Variants in PTBP2 observed in about 807,000 individuals in gnomAD.
The protein encoded by PTBP2 is polypyrimidine tract-binding protein 2.
A neutral mutation model predicts 61.4 loss-of-function variants in PTBP2; 13 were observed. That is an observed-to-expected ratio of 0.21 (90% CI 0.14 to 0.34). The LOEUF (loss-of-function observed/expected upper bound fraction) is 0.34, where lower values mean the gene tolerates loss of function less well. Ranked by LOEUF, PTBP2 falls within the 10% of genes least tolerant of loss-of-function variation. The pLI is 1.00. For missense variants in PTBP2, 405 were observed against 642.6 expected (o/e 0.63, Z 4.00); for synonymous variants, 215 against 218.5 (o/e 0.98, Z 0.14).
In PTBP2 at chr1:96,813,493, A is replaced by AT. The variant is rs943303723; in HGVS notation, c.*96dup. ...TCAGAAAAGTGGGGACCAGAGTTTGATTTTTTTTGTTTTTGTTTTTTTGGG... is the reference window on the plus strand; with the variant it reads ...TCAGAAAAGTGGGGACCAGAGTTTGATTTTTTTTTGTTTTTGTTTTTTTGGG... On this transcript the variant is annotated 3_prime_UTR_variant, in exon 14 of 14. Coordinates refer to ENST00000674951, the MANE Select transcript of PTBP2 (RefSeq NM_021190.4). The AT allele has an allele frequency of 5.3e-5, 67 of 1,262,084 alleles. No homozygotes were observed. Among genetic ancestry groups the AT allele is most frequent in the East Asian group, 3.0e-4 (11 of 36,368 alleles). The allele number at this position is 1,262,084 out of a possible 1,614,324, so 78.2% of individuals were successfully genotyped here. A position where few individuals can be genotyped will look rare whatever the true frequency, so the allele number is the denominator to read the frequency against.
intron 5 of PTBP2, among the ~76,000 whole-genome samples, chr1:96,773,509 C>T (rs1319955934): frequency 6.6e-6 from 1 of 152,130 alleles, no homozygotes; most frequent in East Asian, 1.9e-4. Context: ...TTCTCATTCT[C>T]TTCATCCCCC....
At chr1:96,778,015 G>A in intron 7 of PTBP2, 69 bp downstream of exon 7, 1 of 688,450 alleles carries the variant, frequency 1.5e-6, no homozygotes, top group Non-Finnish European at 2.3e-6. Flanking sequence ...ATATATATAT[G>A]TATGTATACT....
intron 2 of PTBP2, among the ~76,000 whole-genome samples, chr1:96,740,449 A>G (rs1349170406): frequency 3.9e-5 from 6 of 152,144 alleles, no homozygotes; most frequent in Non-Finnish European, 8.8e-5. Flanking sequence ...CCTTACTCTC[A>G]TGATCTCATG....
rs990110680 is a variant in PTBP2, at chr1:96,725,515, G to C, written c.39+1921G>C. Among the ~76,000 whole-genome samples the C allele has an allele frequency of 2.6e-5, 4 of 151,990 alleles. No individual in the cohort carries two copies. In the East Asian group the frequency reaches 7.8e-4, roughly 30 times the overall value. ...GGGGTTTCACCGTGTTAGCCAGGAT[G>C]GTCTTGATCTCCTGACCTTGTGGTT... On this transcript the variant is annotated intron_variant, in intron 2 of 13. Coordinates refer to ENST00000674951, the MANE Select transcript of PTBP2 (RefSeq NM_021190.4).
chr1:96,814,136 C>T lies in PTBP2; in HGVS notation c.*731C>T, dbSNP rs273885. 0.58 allele frequency: 88,108 copies of T among 152,230 alleles called. 26,128 individuals are homozygous for T. Among genetic ancestry groups the T allele is most frequent in the African/African-American group, 0.71 (29,453 of 41,434 alleles). The allele number at this position is 152,230 out of a possible 1,614,324, so 9.4% of individuals were successfully genotyped here. ...AAGCATTGTGGAATCTTAACCTTTT[C>T]GTACACACTCTTGTGGGACGTATCA... On this transcript the variant is annotated 3_prime_UTR_variant, in exon 14 of 14. Coordinates refer to ENST00000674951, the MANE Select transcript of PTBP2 (RefSeq NM_021190.4).
chr1:96,787,511 ACTT>A (rs1363383263), intron 8 of PTBP2, among the ~76,000 whole-genome samples: 4 of 151,558 alleles, frequency 2.6e-5, no homozygotes, highest in African/African-American at 7.3e-5. Context: ...TTCCTAAGTG[ACTT>A]CTTTTTTTTA....
intron 2 of PTBP2, chr1:96,749,634 T>A (rs917269702): frequency 8.8e-6 from 4 of 455,912 alleles, no homozygotes; most frequent in African/African-American, 2.0e-5. Context: ...AACTTGACCT[T>A]CAGTTTTTTT....
At chr1:96,754,063 TC>T (rs1287414056) in intron 3 of PTBP2, among the ~76,000 whole-genome samples, 1 of 152,056 alleles carries the variant, frequency 6.6e-6, no homozygotes, top group Non-Finnish European at 1.5e-5. Flanking sequence ...TCAGGTAAAC[TC>T]CTCATGTAGG....
chr1:96,760,223 T>C (rs1205458862), intron 3 of PTBP2, among the ~76,000 whole-genome samples: 1 of 151,974 alleles, frequency 6.6e-6, no homozygotes, highest in African/African-American at 2.4e-5. Context: ...AATTTTTTTT[T>C]AAGTGGCAAA....
intron 3 of PTBP2, among the ~76,000 whole-genome samples, chr1:96,761,626 C>T (rs984232369): frequency 6.6e-6 from 1 of 151,904 alleles, no homozygotes; most frequent in Non-Finnish European, 1.5e-5. Flanking sequence ...GTCTTAGAAT[C>T]ACTGGGTTGG....
intron 8 of PTBP2, among the ~76,000 whole-genome samples, chr1:96,790,384 T>G (rs1659667715): frequency 6.6e-6 from 1 of 152,070 alleles, no homozygotes; most frequent in African/African-American, 2.4e-5. Context: ...TGATTGTGGA[T>G]TTGGGTGTTG....
chr1:96,762,886 C>T (rs1656155338), intron 3 of PTBP2, among the ~76,000 whole-genome samples: 1 of 151,664 alleles, frequency 6.6e-6, no homozygotes, highest in Non-Finnish European at 1.5e-5. Flanking sequence ...CGAGACGCTC[C>T]TCACCTCCCA....
At chr1:96,773,962 C>CAAAAA (rs11449316) in intron 5 of PTBP2, among the ~76,000 whole-genome samples, 1 of 85,022 alleles carries the variant, frequency 1.2e-5, no homozygotes, top group Non-Finnish European at 2.3e-5. Flanking sequence ...GACTCTGTCT[C>CAAAAA]AAAAAAAAAA....
intron 2 of PTBP2, among the ~76,000 whole-genome samples, chr1:96,724,062 A>G (rs930403117): frequency 6.6e-6 from 1 of 152,202 alleles, no homozygotes; most frequent in Non-Finnish European, 1.5e-5. Flanking sequence ...TTGTTGAGGC[A>G]GTTAGCTTCA....
intron 11 of PTBP2, among the ~76,000 whole-genome samples, chr1:96,807,295 A>G (rs1661588973): frequency 6.6e-6 from 1 of 152,204 alleles, no homozygotes; most frequent in Non-Finnish European, 1.5e-5. Context: ...AACTGTTCAT[A>G]CAGTCCATAG....
At chr1:96,755,871 C>G (rs965583552) in intron 3 of PTBP2, among the ~76,000 whole-genome samples, 1 of 152,192 alleles carries the variant, frequency 6.6e-6, no homozygotes, top group South Asian at 2.1e-4. Context: ...CAGGAAAACT[C>G]GGGAGTGATG....
intron 8 of PTBP2, among the ~76,000 whole-genome samples, chr1:96,799,668 A>G (rs1660778332): frequency 6.6e-6 from 1 of 152,210 alleles, no homozygotes; most frequent in African/African-American, 2.4e-5. Flanking sequence ...AATCTGTTAG[A>G]GCCAGTGTAT....
chr1:96,722,098 G>A (rs951600100), intron 1 of PTBP2, among the ~76,000 whole-genome samples: 3 of 152,172 alleles, frequency 2.0e-5, no homozygotes, highest in Non-Finnish European at 4.4e-5. Flanking sequence ...GCATAGGGGC[G>A]ATGGCGGGGG....
chr1:96,753,293 A>G (rs183632746), intron 3 of PTBP2, among the ~76,000 whole-genome samples: 2 of 152,200 alleles, frequency 1.3e-5, no homozygotes, highest in Admixed American at 1.3e-4. Context: ...GGGTACTTCA[A>G]ACACTCCATT....
Sources: allele counts gnomAD v4.1 joint callset (sites outside exome capture counted in the v4.1 genomes callset), GRCh38; gene constraint gnomAD v4.1.1; transcripts MANE v1.5; gene names NCBI Gene and HGNC (gene_info 2026-07-23, HGNC 2026-07-21).